The following AFAP1 variants were observed in gnomAD, a reference collection of about 807,000 sequenced individuals.
The protein encoded by AFAP1 is actin filament associated protein 1.
A neutral mutation model predicts 93.9 loss-of-function variants in AFAP1; 75 were observed. The ratio of observed to expected loss-of-function variants is 0.80; its 90% CI spans 0.66 to 0.97. The LOEUF is 0.97. AFAP1 is among the 50% of genes least tolerant of loss of function. The pLI, the probability that AFAP1 is intolerant of heterozygous loss-of-function variation, is 0.00. For missense variants in AFAP1, 1,201 were observed against 1,050.8 expected (o/e 1.14, Z -1.98); for synonymous variants, 517 against 430.7 (o/e 1.20, Z -2.48).
intron 1 of AFAP1, among the ~76,000 whole-genome samples, chr4:7,881,307 G>A (rs1416374057): frequency 6.6e-6 from 1 of 152,018 alleles, no homozygotes; most frequent in African/African-American, 2.4e-5. Flanking sequence ...CTTGAGTCAA[G>A]GCTACCTCTC....
intron 1 of AFAP1, among the ~76,000 whole-genome samples, chr4:7,937,644 GC>G (rs944263924): frequency 4.8e-4 from 73 of 152,184 alleles, no homozygotes; most frequent in African/African-American, 1.7e-3. Flanking sequence ...CCACCACCAT[GC>G]CCGGCTAATT....
In AFAP1 at chr4:7,775,067, G is replaced by C. The variant is rs1222477700; in HGVS notation, c.1898-164C>G. Reference sequence around the variant, plus strand: ...GAGGTGGGAGAATCGCTTGAGCTTGGGAGCTTGAGGCTGCAGTGAGCTGTG... The same window carrying C: ...GAGGTGGGAGAATCGCTTGAGCTTGCGAGCTTGAGGCTGCAGTGAGCTGTG... On this transcript the variant is annotated intron_variant, in intron 14 of 17. Coordinates refer to ENST00000420658, the MANE Select transcript of AFAP1 (RefSeq NM_001134647.2). The C allele has an allele frequency of 3.7e-6, 3 of 800,676 alleles. No individual in the cohort carries two copies. In the African/African-American group the frequency reaches 5.2e-5, roughly 14 times the overall value. The allele number at this position is 800,676 out of a possible 1,614,324, so 49.6% of individuals were successfully genotyped here.
At chr4:7,834,128 C>CACACACACATAT (rs756961714) in intron 6 of AFAP1, among the ~76,000 whole-genome samples, 51 of 119,478 alleles carry the variant, frequency 4.3e-4, no homozygotes, top group African/African-American at 1.8e-3. Context: ...CACACACACA[C>CACACACACATAT]ATATATACAA....
chr4:7,840,943 G>A (rs1275709000), intron 5 of AFAP1, among the ~76,000 whole-genome samples: 1 of 152,192 alleles, frequency 6.6e-6, no homozygotes. Flanking sequence ...ATAGTGATCA[G>A]ATCAGATAAT....
At chr4:7,901,705 T>C (rs1489866754) in intron 1 of AFAP1, among the ~76,000 whole-genome samples, 3 of 152,354 alleles carry the variant, frequency 2.0e-5, no homozygotes, top group East Asian at 1.9e-4. Flanking sequence ...TCGGATTTTA[T>C]GAAGATGTGG....
chr4:7,869,944 A>G (rs1716881608), intron 2 of AFAP1, among the ~76,000 whole-genome samples: 1 of 152,246 alleles, frequency 6.6e-6, no homozygotes, highest in Admixed American at 6.5e-5. Flanking sequence ...AGATTCATCC[A>G]GAAGGAGGCA....
At chr4:7,867,477 A>C (rs1221736519) in intron 3 of AFAP1, among the ~76,000 whole-genome samples, 1 of 152,200 alleles carries the variant, frequency 6.6e-6, no homozygotes, top group Non-Finnish European at 1.5e-5. Context: ...TTCGGTGGAC[A>C]GGCTCAATGC....
At chr4:7,904,213 G>A (rs1279719316) in intron 1 of AFAP1, among the ~76,000 whole-genome samples, 2 of 152,082 alleles carry the variant, frequency 1.3e-5, no homozygotes, top group African/African-American at 2.4e-5. Flanking sequence ...AAACCAATAC[G>A]TGGAGACTGA....
intron 6 of AFAP1, among the ~76,000 whole-genome samples, chr4:7,834,092 T>TACAAAC: frequency 7.9e-6 from 1 of 126,670 alleles, no homozygotes; most frequent in East Asian, 2.1e-4. Flanking sequence ...AACTGTGGCA[T>TACAAAC]ACACACACAC....
At chr4:7,835,510 G>A (rs1244481716) in intron 6 of AFAP1, among the ~76,000 whole-genome samples, 9 of 28,950 alleles carry the variant, frequency 3.1e-4, no homozygotes, top group Admixed American at 5.7e-4. Flanking sequence ...GCTGCCTTAA[G>A]GTTACCTGGG....
At chr4:7,832,505 C>T (rs886995923) in intron 6 of AFAP1, among the ~76,000 whole-genome samples, 33 of 152,046 alleles carry the variant, frequency 2.2e-4, no homozygotes, top group Admixed American at 9.2e-4. Flanking sequence ...AAGTGTTCTA[C>T]CAGGTTTTCC....
intron 4 of AFAP1, among the ~76,000 whole-genome samples, chr4:7,853,022 C>T (rs1714635314): frequency 6.6e-6 from 1 of 152,152 alleles, no homozygotes; most frequent in Admixed American, 6.5e-5. Flanking sequence ...GCGTGCGCTG[C>T]TCGTCTCTAC....
chr4:7,781,331 T>G (rs1179745311), intron 13 of AFAP1, 45 bp downstream of exon 13: 2 of 1,540,100 alleles, frequency 1.3e-6, no homozygotes, highest in Middle Eastern at 1.7e-4. Flanking sequence ...TGGAGCAATG[T>G]GACTTGAAGG....
At chr4:7,793,658 T>A (rs1377662366) in intron 11 of AFAP1, 23 bp downstream of exon 11, 1 of 1,493,010 alleles carries the variant, frequency 6.7e-7, no homozygotes, top group East Asian at 2.3e-5. Flanking sequence ...TGTGGTGCCA[T>A]TTCACATGGC....
At chr4:7,868,296 T>C (rs1434725640) in intron 3 of AFAP1, among the ~76,000 whole-genome samples, 1 of 152,162 alleles carries the variant, frequency 6.6e-6, no homozygotes, top group African/African-American at 2.4e-5. Context: ...ACAGATACTT[T>C]TGTCTGCTAA....
At chr4:7,888,428 T>A (rs547044566) in intron 1 of AFAP1, among the ~76,000 whole-genome samples, 2 of 152,312 alleles carry the variant, frequency 1.3e-5, no homozygotes, top group Non-Finnish European at 2.9e-5. Context: ...AGAGGGGACA[T>A]GGGTCACACA....
intron 1 of AFAP1, among the ~76,000 whole-genome samples, chr4:7,874,577 G>C (rs1717374267): frequency 8.6e-6 from 1 of 116,904 alleles, no homozygotes; most frequent in Non-Finnish European, 1.7e-5. Flanking sequence ...TAGAAACAGG[G>C]TTTCACCATG....
chr4:7,928,515 G>A (rs1406347974), intron 1 of AFAP1, among the ~76,000 whole-genome samples: 1 of 152,092 alleles, frequency 6.6e-6, no homozygotes, highest in Non-Finnish European at 1.5e-5. Flanking sequence ...AGCCTCCCAA[G>A]TAGCTGGGAC....
chr4:7,801,982 A>C (rs916803220), intron 9 of AFAP1, among the ~76,000 whole-genome samples: 2 of 147,642 alleles, frequency 1.4e-5, no homozygotes, highest in African/African-American at 4.9e-5. Flanking sequence ...GTTTTGGAGG[A>C]TGTTTCTTAC....
Sources: gnomAD v4.1 joint callset for allele counts (sites outside exome capture counted in the v4.1 genomes callset) on GRCh38, gnomAD v4.1.1 for gene constraint, MANE v1.5 for transcripts, NCBI Gene and HGNC (gene_info 2026-07-23, HGNC 2026-07-21) for gene names.